Variants in PHACTR3 observed in about 807,000 individuals in gnomAD.
PHACTR3 encodes protein phosphatase 1, regulatory subunit 123.
Under a neutral mutation model 66.8 loss-of-function variants are expected in PHACTR3, and 16 were observed. The ratio of observed to expected loss-of-function variants is 0.24; its 90% CI spans 0.16 to 0.36. PHACTR3 has a LOEUF of 0.36. Ranked by LOEUF, PHACTR3 falls within the 10% of genes least tolerant of loss-of-function variation. The pLI, the probability that PHACTR3 is intolerant of heterozygous loss-of-function variation, is 1.00. For missense variants in PHACTR3, 647 were observed against 719.9 expected (o/e 0.90, Z 1.16); for synonymous variants, 323 against 292.1 (o/e 1.11, Z -1.08).
At chr20:59,600,013 G>T (rs996750588), upstream of PHACTR3, among the ~76,000 whole-genome samples, 1 of 152,194 alleles carries the variant, frequency 6.6e-6, no homozygotes, top group Non-Finnish European at 1.5e-5. Context: ...TCTTCCTGAG[G>T]TCCATGAGAT....
intron 1 of PHACTR3, among the ~76,000 whole-genome samples, chr20:59,599,210 G>A (rs113595097): frequency 1.1e-4 from 17 of 152,304 alleles, no homozygotes; most frequent in African/African-American, 3.6e-4. Context: ...AGGCTCCGCC[G>A]TGCACATTCA....
At chr20:59,765,718 AC>A (rs2040156942) in intron 4 of PHACTR3, among the ~76,000 whole-genome samples, 1 of 152,036 alleles carries the variant, frequency 6.6e-6, no homozygotes, top group East Asian at 1.9e-4. Flanking sequence ...CTGTTGTAAC[AC>A]CCCCTCCCTG....
chr20:59,707,671 C>A (rs1296421624), intron 1 of PHACTR3, among the ~76,000 whole-genome samples: 1 of 151,882 alleles, frequency 6.6e-6, no homozygotes, highest in African/African-American at 2.4e-5. Context: ...CACTATGTTG[C>A]CCAGGCTGGT....
At chr20:59,726,648 T>C (rs759572827) in intron 1 of PHACTR3, among the ~76,000 whole-genome samples, 30 of 152,188 alleles carry the variant, frequency 2.0e-4, no homozygotes, top group Non-Finnish European at 3.8e-4. Flanking sequence ...ACATCAAATT[T>C]ACCATTTCAA....
chr20:59,780,496 A>C (rs2040687211), intron 7 of PHACTR3, among the ~76,000 whole-genome samples: 1 of 152,208 alleles, frequency 6.6e-6, no homozygotes, highest in Non-Finnish European at 1.5e-5. Flanking sequence ...AAGGGGCCAC[A>C]GAGCTCTCTA....
intron 8 of PHACTR3, among the ~76,000 whole-genome samples, chr20:59,806,899 T>C (rs2041588883): frequency 6.6e-6 from 1 of 152,176 alleles, no homozygotes; most frequent in Admixed American, 6.5e-5. Flanking sequence ...CGTTATGGTA[T>C]AGAAACATTT....
At chr20:59,725,777 C>T (rs1319467443) in intron 1 of PHACTR3, among the ~76,000 whole-genome samples, 1 of 152,110 alleles carries the variant, frequency 6.6e-6, no homozygotes, top group Admixed American at 6.5e-5. Flanking sequence ...AGGCCAGGGG[C>T]TAGGCTACAT....
At chr20:59,709,324 GCCAATGAATTTTGTCCTA>G (rs1312177994) in intron 1 of PHACTR3, among the ~76,000 whole-genome samples, 1 of 152,186 alleles carries the variant, frequency 6.6e-6, no homozygotes, top group Non-Finnish European at 1.5e-5. Context: ...TGGTCCCTTT[GCCAATGAATTTTGTCCTA>G]GTTTGCTAAC....
chr20:59,816,670 C>T (rs1179039457), intron 8 of PHACTR3, among the ~76,000 whole-genome samples: 1 of 152,164 alleles, frequency 6.6e-6, no homozygotes, highest in Admixed American at 6.5e-5. Flanking sequence ...ATCCTCAGTG[C>T]CTGGTACACA....
intron 1 of PHACTR3, among the ~76,000 whole-genome samples, chr20:59,639,685 C>G (rs2035031542): frequency 6.6e-6 from 1 of 152,108 alleles, no homozygotes; most frequent in Admixed American, 6.5e-5. Context: ...GCTTCAGTTC[C>G]CATCCTGATG....
At chr20:59,610,448 C>A (rs1247626969) in intron 1 of PHACTR3, among the ~76,000 whole-genome samples, 2 of 152,332 alleles carry the variant, frequency 1.3e-5, no homozygotes, top group African/African-American at 4.8e-5. Flanking sequence ...GTCACAGGAA[C>A]CTGTTTTCAG....
chr20:59,738,981 G>A lies in PHACTR3; in HGVS notation c.119-4126G>A, dbSNP rs1310304213. The stretch of plus-strand genomic sequence containing the variant: ...ACAGTCTTGCTCCCATCTGGTGTCT[G>A]TAGGTGGAGGAAGGAAAGGAGAGGA... On this transcript the variant is annotated intron_variant, in intron 1 of 12. Coordinates refer to ENST00000371015, the MANE Select transcript of PHACTR3 (RefSeq NM_080672.5). The surrounding 1 kb of genome is among the most constrained non-coding windows in gnomAD (Gnocchi z 4.4). Among the ~76,000 whole-genome samples, 1 of 152,128 alleles carries A rather than the reference G, an allele frequency of 6.6e-6. No homozygotes were observed. Among genetic ancestry groups the A allele is most frequent in the Non-Finnish European group, 1.5e-5 (1 of 68,010 alleles).
Position 59,664,785 on chromosome 20 carries a change from G to A in PHACTR3, c.118+59653G>A, listed in dbSNP as rs927584927. Among the ~76,000 whole-genome samples, 7 of 152,266 alleles carry A rather than the reference G, an allele frequency of 4.6e-5. 1 individual carries two copies. Among genetic ancestry groups the A allele is most frequent in the Admixed American group, 6.5e-5 (1 of 15,294 alleles). On this transcript the variant is annotated intron_variant, in intron 1 of 12. Transcript: ENST00000371015. ...CCACCCCTCACTGGAGGCACCATAC[G>A]TCTTCTGCCAACCTGCCAGATGCCG...
intron 4 of PHACTR3, among the ~76,000 whole-genome samples, chr20:59,765,746 C>A (rs1205772593): frequency 6.6e-6 from 1 of 152,194 alleles, no homozygotes; most frequent in African/African-American, 2.4e-5. Flanking sequence ...GTGTTTTCAG[C>A]ACCATGGACA....
intron 8 of PHACTR3, among the ~76,000 whole-genome samples, chr20:59,817,059 G>A (rs1166541763): frequency 6.6e-6 from 1 of 152,198 alleles, no homozygotes; most frequent in Non-Finnish European, 1.5e-5. Flanking sequence ...AATTTCCTAA[G>A]AGTTTATTTC....
intron 1 of PHACTR3, among the ~76,000 whole-genome samples, chr20:59,695,921 C>G (rs2037280344): frequency 6.6e-6 from 1 of 152,062 alleles, no homozygotes; most frequent in Non-Finnish European, 1.5e-5. Context: ...TTACTAGATC[C>G]AGGGTTTCTC....
chr20:59,681,319 G>A (rs1039316161), intron 1 of PHACTR3, among the ~76,000 whole-genome samples: 3 of 152,176 alleles, frequency 2.0e-5, no homozygotes, highest in Admixed American at 1.3e-4. Flanking sequence ...GCAGCAAGAC[G>A]TTAAGGGTTG....
At chr20:59,696,576 G>C (rs866590150) in intron 1 of PHACTR3, among the ~76,000 whole-genome samples, 3 of 152,128 alleles carry the variant, frequency 2.0e-5, no homozygotes, top group Admixed American at 6.5e-5. Flanking sequence ...ACCTAAGCAG[G>C]GTTTGCACAT....
At chr20:59,684,933 T>TCCC (rs1424980381) in intron 1 of PHACTR3, among the ~76,000 whole-genome samples, 1 of 152,074 alleles carries the variant, frequency 6.6e-6, no homozygotes, top group Non-Finnish European at 1.5e-5. Context: ...GCTCAGCACG[T>TCCC]CCCTTGGCTT....
Sources: allele counts gnomAD v4.1 joint callset (sites outside exome capture counted in the v4.1 genomes callset), GRCh38; gene constraint gnomAD v4.1.1; non-coding constraint Gnocchi (gnomAD v3.1); transcripts MANE v1.5; gene names NCBI Gene and HGNC (gene_info 2026-07-23, HGNC 2026-07-21).